Variants in LRRC4C observed in about 807,000 individuals in gnomAD.
LRRC4C encodes the protein leucine rich repeat containing 4C, also known as leucine-rich repeat-containing protein 4C.
A neutral mutation model predicts 33.6 loss-of-function variants in LRRC4C; 5 were observed. The observed-to-expected ratio is 0.15, with a 90% CI of 0.08 to 0.31. The LOEUF (loss-of-function observed/expected upper bound fraction) is 0.31. Among genes scored for constraint, LRRC4C ranks in the 10% least tolerant of loss-of-function variants. The pLI is 1.00. For synonymous variants in LRRC4C, 329 were observed against 302.0 expected (o/e 1.09, Z -0.93); for missense variants, 560 against 796.7 (o/e 0.70, Z 3.58).
chr11:40,232,993 G>A (rs185302883), intron 5 of LRRC4C, among the ~76,000 whole-genome samples: 15 of 152,270 alleles, frequency 9.9e-5, no homozygotes, highest in Admixed American at 9.2e-4. Flanking sequence ...TGCTTTAGAA[G>A]CCCATGGTTG....
At chr11:40,568,121 T>G (rs1957838430) in intron 3 of LRRC4C, among the ~76,000 whole-genome samples, 1 of 152,214 alleles carries the variant, frequency 6.6e-6, no homozygotes, top group Non-Finnish European at 1.5e-5. Flanking sequence ...TGATGGAATG[T>G]CACTTTTGAG....
At position 40,886,815 on chromosome 11, in the gene LRRC4C, C is replaced by T. The variant is rs538198378; in HGVS notation, c.-407+46820G>A. 1.6e-4 allele frequency among the ~76,000 whole-genome samples: 25 copies of T among 151,764 alleles called. 1 individual carries two copies. The South Asian group carries it at 2.5e-3, about 15-fold the overall frequency. On this transcript the variant is annotated intron_variant, in intron 2 of 6. Coordinates refer to ENST00000528697, the MANE Select transcript of LRRC4C (RefSeq NM_001258419.2). ...TGTTTGCTCATGCACTTTAGTATCCCTCTCTCCACTGACCCTCCCCTTCAA... is the reference window on the plus strand; with the variant it reads ...TGTTTGCTCATGCACTTTAGTATCCTTCTCTCCACTGACCCTCCCCTTCAA...
rs78321707 is a variant in LRRC4C, at chr11:41,441,011, A to T, written c.-496+18420T>A. On this transcript the variant is annotated intron_variant, in intron 1 of 6. Transcript: ENST00000528697. ...ATGCTGAGATAATAAGTGAGTCATG[A>T]AGAGCCAAGCCAGTCTTCTCAAGGG... Among the ~76,000 whole-genome samples, 757 of 152,296 alleles carry T rather than the reference A, an allele frequency of 5.0e-3. 5 individuals carry two copies. The highest frequency in any genetic ancestry group is 0.012 in the African/African-American group (483 of 41,582).
At chr11:41,161,314 T>A (rs1944461277) in intron 1 of LRRC4C, among the ~76,000 whole-genome samples, 1 of 152,200 alleles carries the variant, frequency 6.6e-6, no homozygotes, top group Non-Finnish European at 1.5e-5. Flanking sequence ...AATGGTTTAA[T>A]CACAGAGTCC....
intron 1 of LRRC4C, among the ~76,000 whole-genome samples, chr11:41,297,285 C>G (rs1016075799): frequency 6.6e-6 from 1 of 152,138 alleles, no homozygotes; most frequent in Non-Finnish European, 1.5e-5. Context: ...ATTCGGTTTG[C>G]TAGTATTTTA....
chr11:40,872,161 A>G (rs747100528), intron 2 of LRRC4C, among the ~76,000 whole-genome samples: 10 of 152,116 alleles, frequency 6.6e-5, no homozygotes, highest in Non-Finnish European at 1.2e-4. Flanking sequence ...TTAAAGAAGT[A>G]TCTTATGAAA....
intron 2 of LRRC4C, among the ~76,000 whole-genome samples, chr11:40,677,243 G>A (rs951396334): frequency 1.6e-4 from 24 of 152,016 alleles, no homozygotes; most frequent in Middle Eastern, 3.4e-3. Context: ...AAAATTAGCC[G>A]CGCATGGTGG....
chr11:41,175,637 C>G (rs1014856349), intron 1 of LRRC4C, among the ~76,000 whole-genome samples: 1 of 152,106 alleles, frequency 6.6e-6, no homozygotes, highest in Non-Finnish European at 1.5e-5. Flanking sequence ...TGGATAAATT[C>G]AACCTTACTA....
chr11:40,390,947 TC>T (rs1261466019), intron 3 of LRRC4C, among the ~76,000 whole-genome samples: 1 of 152,110 alleles, frequency 6.6e-6, no homozygotes, highest in Non-Finnish European at 1.5e-5. Context: ...AATGGTGCAG[TC>T]TAGGCTCACT....
At chr11:40,164,130 G>T (rs1233851166) in intron 5 of LRRC4C, among the ~76,000 whole-genome samples, 1 of 152,094 alleles carries the variant, frequency 6.6e-6, no homozygotes, top group Non-Finnish European at 1.5e-5. Context: ...CTGACAGCCA[G>T]CAAAAAAGCT....
At chr11:40,949,461 A>G (rs373054385) in intron 1 of LRRC4C, among the ~76,000 whole-genome samples, 1 of 152,094 alleles carries the variant, frequency 6.6e-6, no homozygotes. Context: ...AAGGGCAGCC[A>G]GAGAGAAAGG....
intron 3 of LRRC4C, among the ~76,000 whole-genome samples, chr11:40,420,051 C>A (rs1002709892): frequency 2.0e-5 from 3 of 152,114 alleles, no homozygotes; most frequent in African/African-American, 7.2e-5. Flanking sequence ...TTAGCCAACA[C>A]CTGGGGCATT....
At chr11:41,063,748 G>C (rs1041253814) in intron 1 of LRRC4C, among the ~76,000 whole-genome samples, 24 of 152,198 alleles carry the variant, frequency 1.6e-4, no homozygotes, top group Admixed American at 1.3e-3. Context: ...CCAAGGTAAG[G>C]AGCTTTTACA....
At chr11:40,509,510 A>T (rs1955200703) in intron 3 of LRRC4C, among the ~76,000 whole-genome samples, 3 of 150,126 alleles carry the variant, frequency 2.0e-5, no homozygotes, top group South Asian at 2.1e-4. Flanking sequence ...TTATTTATTT[A>T]TTTTTTTTTG....
At chr11:41,108,035 A>G (rs1002179705) in intron 1 of LRRC4C, among the ~76,000 whole-genome samples, 1 of 152,072 alleles carries the variant, frequency 6.6e-6, no homozygotes, top group African/African-American at 2.4e-5. Flanking sequence ...CTCTAAACCA[A>G]CTAAGAATGC....
intron 4 of LRRC4C, among the ~76,000 whole-genome samples, chr11:40,296,776 A>G (rs1300073563): frequency 6.6e-6 from 1 of 152,238 alleles, no homozygotes; most frequent in Non-Finnish European, 1.5e-5. Flanking sequence ...GGTACTATTA[A>G]CAATGACAGA....
chr11:40,468,193 G>A (rs916312000), intron 3 of LRRC4C, among the ~76,000 whole-genome samples: 2 of 152,120 alleles, frequency 1.3e-5, no homozygotes, highest in South Asian at 2.1e-4. Flanking sequence ...AGTAGGATAT[G>A]TATATGGATT....
At chr11:40,923,760 G>A (rs1025550363) in intron 2 of LRRC4C, among the ~76,000 whole-genome samples, 2 of 152,168 alleles carry the variant, frequency 1.3e-5, no homozygotes, top group Admixed American at 1.3e-4. Flanking sequence ...GTCCTTGGCT[G>A]AATAGACAAT....
intron 3 of LRRC4C, among the ~76,000 whole-genome samples, chr11:40,548,794 C>T (rs1957024726): frequency 6.6e-6 from 1 of 152,054 alleles, no homozygotes; most frequent in Non-Finnish European, 1.5e-5. Flanking sequence ...TACAACAACC[C>T]TATGTAATAA....
Sources: gnomAD v4.1 joint callset for allele counts (sites outside exome capture counted in the v4.1 genomes callset) on GRCh38, gnomAD v4.1.1 for gene constraint, MANE v1.5 for transcripts, NCBI Gene and HGNC (gene_info 2026-07-23, HGNC 2026-07-21) for gene names.